CNOT6L: variants seen among roughly 807,000 people sequenced by gnomAD.
CNOT6L encodes the protein CCR4-NOT transcription complex subunit 6-like.
Under a neutral mutation model 64.0 loss-of-function variants are expected in CNOT6L, and 7 were observed. The ratio of observed to expected loss-of-function variants is 0.11; its 90% CI spans 0.06 to 0.21. CNOT6L has a LOEUF of 0.21. Among genes scored for constraint, CNOT6L ranks in the 10% least tolerant of loss-of-function variants. CNOT6L has a pLI of 1.00. For synonymous variants in CNOT6L, 193 were observed against 243.4 expected (o/e 0.79, Z 1.93); for missense variants, 245 against 669.0 (o/e 0.37, Z 6.99).
intron 4 of CNOT6L, among the ~76,000 whole-genome samples, chr4:77,766,339 G>A (rs1444316463): frequency 6.6e-6 from 1 of 152,108 alleles, no homozygotes; most frequent in African/African-American, 2.4e-5. Flanking sequence ...AGTAGGAATT[G>A]AAGGAAACTT....
intron 1 of CNOT6L, among the ~76,000 whole-genome samples, chr4:77,778,547 G>C (rs574046988): frequency 1.8e-4 from 28 of 152,026 alleles, no homozygotes; most frequent in African/African-American, 5.8e-4. Context: ...CTGAGGTTAC[G>C]GGCGCGTGTC....
Position 77,713,434 on chromosome 4 carries a change from G to C in CNOT6L, c.*6997C>G, listed in dbSNP as rs1030669713. ...ATTGCCTACAGGGGAAGGAAAGGGA[G>C]GGAGAGAGGGGAAGTACACAGGTGC... is the stretch of plus-strand genomic sequence containing the variant. On this transcript the variant is annotated 3_prime_UTR_variant, in exon 12 of 12. Transcript: ENST00000504123. 4 of 152,572 alleles carry C rather than the reference G, an allele frequency of 2.6e-5. No individual in the cohort carries two copies. The highest frequency in any genetic ancestry group is 4.4e-5 in the Non-Finnish European group (3 of 68,078). 9.5% of individuals were successfully genotyped at this position (152,572 alleles called of 1,614,324 possible).
intron 1 of CNOT6L, among the ~76,000 whole-genome samples, chr4:77,786,472 A>T (rs994245005): frequency 1.3e-5 from 2 of 151,932 alleles, no homozygotes; most frequent in Non-Finnish European, 2.9e-5. Context: ...ATAAAAGTAA[A>T]TTAAAAAAAA....
chr4:77,731,420 C>T lies in CNOT6L; in HGVS notation c.991G>A (p.Val331Ile). 1 of 1,612,608 alleles carries T rather than the reference C, an allele frequency of 6.2e-7. No homozygotes were observed. The highest frequency in any genetic ancestry group is 8.5e-7 in the Non-Finnish European group (1 of 1,179,404). The change falls in exon 9 of 12, where the codon GTA becomes ATA. Residue 331 changes from valine (V) to isoleucine (I), a missense_variant. By Grantham distance (29) the Val-to-Ile change is conservative (BLOSUM62 3). Transcript: ENST00000504123. ...AATAGTTCTTTGTGGACCTCTAATA[C>T]CACAGCGACACCAATGTTATCTTTT... ...MTKDNIGVAV[V>I]LEVHKELFGA...
chr4:77,772,414 C>G (rs1161796812), intron 4 of CNOT6L, among the ~76,000 whole-genome samples: 1 of 151,974 alleles, frequency 6.6e-6, no homozygotes, highest in East Asian at 1.9e-4. Context: ...TTAGTAGAGA[C>G]AGGGTTTCTC....
intron 2 of CNOT6L, among the ~76,000 whole-genome samples, chr4:77,775,809 G>T (rs1451655317): frequency 6.6e-6 from 1 of 152,068 alleles, no homozygotes; most frequent in African/African-American, 2.4e-5. Flanking sequence ...CTCATTATTA[G>T]ACTGGAATTA....
rs1358618123 is a variant in CNOT6L at position 77,717,445 on chromosome 4, C to A, written c.*2986G>T. 3 of 152,370 alleles carry A rather than the reference C, an allele frequency of 2.0e-5. No homozygotes were observed. Among genetic ancestry groups the A allele is most frequent in the Non-Finnish European group, 4.4e-5 (3 of 67,984 alleles). The allele number at this position is 152,370 out of a possible 1,614,324, so 9.4% of individuals were successfully genotyped here. ...AGACAAATATCGAAATAATATTTAA[C>A]AGTTTTAAAAAAACATGTATCACAT... On this transcript the variant is annotated 3_prime_UTR_variant, in exon 12 of 12. Coordinates refer to ENST00000504123, the MANE Select transcript of CNOT6L (RefSeq NM_144571.3).
intron 1 of CNOT6L, among the ~76,000 whole-genome samples, chr4:77,804,021 C>T (rs1406831772): frequency 6.6e-6 from 1 of 152,162 alleles, no homozygotes; most frequent in East Asian, 1.9e-4. Context: ...AGCAATTCCA[C>T]TCTTAGGTAT....
At position 77,716,363 on chromosome 4, in the gene CNOT6L, T is replaced by C. The variant is rs1387533366; in HGVS notation, c.*4068A>G. 3 of 152,106 alleles carry C rather than the reference T, an allele frequency of 2.0e-5. No homozygotes were observed. The highest frequency in any genetic ancestry group is 3.8e-4 in the East Asian group (2 of 5,200). 9.4% of individuals were successfully genotyped at this position (152,106 alleles called of 1,614,324 possible). ...ATTGGGACACAGTCAATTTTATCAT[T>C]AGAAAATCTAGCCATGTATTAGGAA... On this transcript the variant is annotated 3_prime_UTR_variant, in exon 12 of 12. Coordinates refer to ENST00000504123, the MANE Select transcript of CNOT6L (RefSeq NM_144571.3).
intron 1 of CNOT6L, among the ~76,000 whole-genome samples, chr4:77,818,547 G>A (rs1252838373): frequency 6.6e-6 from 1 of 152,190 alleles, no homozygotes; most frequent in Non-Finnish European, 1.5e-5. Context: ...ATGAAAAGAA[G>A]GGAACACGAC....
At chr4:77,799,733 T>TCAGACCCA (rs1477870046) in intron 1 of CNOT6L, among the ~76,000 whole-genome samples, 3 of 149,996 alleles carry the variant, frequency 2.0e-5, no homozygotes, top group Admixed American at 6.7e-5. Flanking sequence ...AGGAACATGT[T>TCAGACCCA]CAGACCCAAA....
chr4:77,813,474 G>A (rs979579591), intron 1 of CNOT6L, among the ~76,000 whole-genome samples: 2 of 152,038 alleles, frequency 1.3e-5, no homozygotes, highest in African/African-American at 4.8e-5. Context: ...TCAGGAAAAT[G>A]AAAAGACAAC....
chr4:77,775,659 G>A (rs1728065141), intron 2 of CNOT6L, among the ~76,000 whole-genome samples: 1 of 152,042 alleles, frequency 6.6e-6, no homozygotes, highest in Non-Finnish European at 1.5e-5. Flanking sequence ...CTACCATTTT[G>A]CATTTAGTTA....
chr4:77,737,795 G>A (rs905302336), intron 8 of CNOT6L, among the ~76,000 whole-genome samples: 2 of 152,054 alleles, frequency 1.3e-5, no homozygotes, highest in African/African-American at 4.8e-5. Flanking sequence ...AAGTGGAACA[G>A]TTATTATCTA....
chr4:77,765,772 A>G (rs1187486643), intron 4 of CNOT6L, among the ~76,000 whole-genome samples: 1 of 152,216 alleles, frequency 6.6e-6, no homozygotes. Flanking sequence ...ATAATTACTT[A>G]TATAGGCAAC....
At chr4:77,755,677 GATA>G (rs1184389072) in intron 5 of CNOT6L, among the ~76,000 whole-genome samples, 2 of 152,030 alleles carry the variant, frequency 1.3e-5, no homozygotes, top group Non-Finnish European at 2.9e-5. Context: ...AAACTTTTCA[GATA>G]ATATTAATTT....
At chr4:77,765,626 A>G (rs1726740906) in intron 4 of CNOT6L, among the ~76,000 whole-genome samples, 1 of 152,256 alleles carries the variant, frequency 6.6e-6, no homozygotes, top group Non-Finnish European at 1.5e-5. Flanking sequence ...TACTTTATTC[A>G]TGAACATACA....
chr4:77,810,036 T>C (rs1732736313), intron 1 of CNOT6L, among the ~76,000 whole-genome samples: 1 of 152,094 alleles, frequency 6.6e-6, no homozygotes, highest in Admixed American at 6.5e-5. Context: ...ATTGTATCTG[T>C]ATCAAAATTT....
intron 1 of CNOT6L, among the ~76,000 whole-genome samples, chr4:77,798,821 T>TA (rs34937110): frequency 0.78 from 113,350 of 145,490 alleles, 44,738 homozygotes; most frequent in Non-Finnish European, 0.85. Context: ...CCATTTCAAT[T>TA]AAAAAAAAAA....
Sources: allele counts gnomAD v4.1 joint callset (sites outside exome capture counted in the v4.1 genomes callset), GRCh38; gene constraint gnomAD v4.1.1; transcripts MANE v1.5; gene names NCBI Gene and HGNC (gene_info 2026-07-23, HGNC 2026-07-21).